ACVR2B: variants seen among roughly 807,000 people sequenced by gnomAD.
ACVR2B encodes activin receptor type-2B.
ACVR2B carries 18 observed loss-of-function variants against 65.1 expected under a neutral mutation model. The observed-to-expected ratio is 0.28, with a 90% confidence interval of 0.19 to 0.41. The LOEUF (loss-of-function observed/expected upper bound fraction) is 0.41. Among genes scored for constraint, ACVR2B ranks in the 10% least tolerant of loss-of-function variants. The pLI, the probability that ACVR2B is intolerant of heterozygous loss-of-function variation, is 1.00. For missense variants in ACVR2B, 482 were observed against 682.7 expected (o/e 0.71, Z 3.28); for synonymous variants, 298 against 277.7 (o/e 1.07, Z -0.73).
At position 38,477,490 on chromosome 3, in the gene ACVR2B, G is replaced by A. The variant is rs1030605505; in HGVS notation, c.256G>A (p.Asp86Asn). The A allele has an allele frequency of 6.2e-6, 10 of 1,613,720 alleles. No homozygotes were observed. Among genetic ancestry groups the A allele is most frequent in the Admixed American group, 1.7e-5 (1 of 59,980 alleles). ...GCWLDDFNCY[D>N]RQECVATEEN... ...CTGGCTAGATGACTTCAACTGCTAC[G>A]ATAGGTACCCCAAGACTTGCCCTCC... Residue 86 changes from aspartate (D) to asparagine (N), a missense_variant, in exon 2 of 11, where the codon GAT (aspartate) becomes AAT (asparagine). Physicochemically the swap from Asp to Asn is conservative, Grantham distance 23. Coordinates refer to ENST00000352511, the MANE Select transcript of ACVR2B (RefSeq NM_001106.4). The surrounding 1 kb of genome is among the most constrained non-coding windows in gnomAD (Gnocchi z 6.7).
chr3:38,479,689 G>T lies in ACVR2B; in HGVS notation c.822G>T (p.Thr274=). 6.2e-7 allele frequency: 1 copy of T among 1,614,130 alleles called. No individual in the cohort carries two copies. The highest frequency in any genetic ancestry group is 1.1e-5 in the South Asian group (1 of 91,068). The change falls in exon 7 of 11, where the codon ACG becomes ACT. Residue 274 remains threonine (T), a synonymous_variant. Coordinates refer to ENST00000352511, the MANE Select transcript of ACVR2B (RefSeq NM_001106.4). ...CTGTCTTCTCTCAGGGCTCCCTCACGGATTACCTCAAGGGGAACATCATCA... is the reference window on the plus strand; with the variant it reads ...CTGTCTTCTCTCAGGGCTCCCTCACTGATTACCTCAAGGGGAACATCATCA... The part of the protein sequence containing the change: ...ITAFHDKGSL[T]DYLKGNIITW...
chr3:38,454,398 G>A, intron 1 of ACVR2B, 24 bp downstream of exon 1: 1 of 1,247,152 alleles, frequency 8.0e-7, no homozygotes, highest in Middle Eastern at 3.1e-4. Context: ...GCGGCGCGGG[G>A]ACGCCGAGAG....
At chr3:38,462,850 T>C (rs1219202230) in intron 1 of ACVR2B, among the ~76,000 whole-genome samples, 1 of 152,110 alleles carries the variant, frequency 6.6e-6, no homozygotes, top group East Asian at 1.9e-4. Flanking sequence ...TGAAAAATGG[T>C]TATACCATTT....
intron 1 of ACVR2B, among the ~76,000 whole-genome samples, chr3:38,460,411 T>G (rs771701576): frequency 6.6e-6 from 1 of 152,242 alleles, no homozygotes; most frequent in Non-Finnish European, 1.5e-5. Flanking sequence ...TGCTCAGTGA[T>G]GTCTCTGACT....
At chr3:38,467,593 A>AT (rs59511123) in intron 1 of ACVR2B, among the ~76,000 whole-genome samples, 1 of 44,642 alleles carries the variant, frequency 2.2e-5, no homozygotes, top group East Asian at 6.8e-4. Flanking sequence ...TCTACAAAAA[A>AT]AAAAAAATTA....
At position 38,482,432 on chromosome 3, in the gene ACVR2B, C is replaced by A; in HGVS notation, c.1216C>A (p.Pro406Thr). Reference protein sequence around the residue: ...LVSRCKAADGPVDEYMLPFEE... With the variant: ...LVSRCKAADGTVDEYMLPFEE... The stretch of plus-strand genomic sequence containing the variant: ...GCCAGGCTCTCTCTTTCTCCTAGGA[C>A]CCGTGGATGAGTACATGCTGCCCTT... Residue 406 changes from proline (P) to threonine (T), a missense_variant and splice_region_variant, in exon 10 of 11, where the codon CCC becomes ACC. Physicochemically the swap from Pro to Thr is conservative, Grantham distance 38. Coordinates refer to ENST00000352511, the MANE Select transcript of ACVR2B (RefSeq NM_001106.4). 6.2e-7 allele frequency: 1 copy of A among 1,611,958 alleles called. No individual in the cohort carries two copies. Among genetic ancestry groups the A allele is most frequent in the Non-Finnish European group, 8.5e-7 (1 of 1,179,710 alleles).
chr3:38,460,818 A>C (rs1709633749), intron 1 of ACVR2B, among the ~76,000 whole-genome samples: 1 of 152,184 alleles, frequency 6.6e-6, no homozygotes, highest in Non-Finnish European at 1.5e-5. Context: ...TGCTCTTTGC[A>C]TGTGTTCCTC....
At chr3:38,459,246 T>A (rs1709599998) in intron 1 of ACVR2B, among the ~76,000 whole-genome samples, 2 of 152,148 alleles carry the variant, frequency 1.3e-5, no homozygotes, top group Non-Finnish European at 2.9e-5. Flanking sequence ...AGAGTTTGGT[T>A]CAAAATTAGT....
At chr3:38,479,359 G>C (rs1208598986) in intron 6 of ACVR2B, 88 bp downstream of exon 6, 9 of 1,585,674 alleles carry the variant, frequency 5.7e-6, no homozygotes, top group Non-Finnish European at 7.8e-6. Flanking sequence ...CTTCCCTGTG[G>C]AGGTGTCCAC....
intron 1 of ACVR2B, among the ~76,000 whole-genome samples, chr3:38,462,355 A>G (rs1709662968): frequency 6.6e-6 from 1 of 152,220 alleles, no homozygotes; most frequent in African/African-American, 2.4e-5. Context: ...CACAAATTGA[A>G]TACACTGGTT....
rs1709934753 is a variant in ACVR2B at position 38,477,604 on chromosome 3, G to T, written c.260+110G>T. ...AGTGGGAGATAAAGGACCAAGAAGGGGCTCTTGAGATGGTAGCCATGGCCC... is the reference window on the plus strand; with the variant it reads ...AGTGGGAGATAAAGGACCAAGAAGGTGCTCTTGAGATGGTAGCCATGGCCC... On this transcript the variant is annotated intron_variant, in intron 2 of 10. Coordinates refer to ENST00000352511, the MANE Select transcript of ACVR2B (RefSeq NM_001106.4). This position sits in a 1 kb window ranked among gnomAD's most constrained non-coding sequence, Gnocchi z 6.7. The T allele has an allele frequency of 2.3e-6, 3 of 1,330,394 alleles. No individual in the cohort carries two copies. Among genetic ancestry groups the T allele is most frequent in the Non-Finnish European group, 3.2e-6 (3 of 945,470 alleles). 82.4% of individuals were successfully genotyped at this position (1,330,394 alleles called of 1,614,324 possible). A position where few individuals can be genotyped will look rare whatever the true frequency, so the allele number is the denominator to read the frequency against.
In ACVR2B at chr3:38,456,885, T is replaced by C. The variant is rs1252369109; in HGVS notation, c.52+2511T>C. Among the ~76,000 whole-genome samples the C allele has an allele frequency of 2.0e-5, 3 of 152,194 alleles. 1 individual carries two copies. Among genetic ancestry groups the C allele is most frequent in the Admixed American group, 1.3e-4 (2 of 15,286 alleles). Reference sequence around the variant, plus strand: ...GTATGAATTTTGGGGGGACACATTCTTTCCATGAGATGGAATGAACTTCAA... The same window carrying C: ...GTATGAATTTTGGGGGGACACATTCCTTCCATGAGATGGAATGAACTTCAA... On this transcript the variant is annotated intron_variant, in intron 1 of 10. Coordinates refer to ENST00000352511, the MANE Select transcript of ACVR2B (RefSeq NM_001106.4).
At chr3:38,466,025 A>G (rs1482635593) in intron 1 of ACVR2B, among the ~76,000 whole-genome samples, 1 of 152,264 alleles carries the variant, frequency 6.6e-6, no homozygotes, top group Non-Finnish European at 1.5e-5. Context: ...GCTGAAAGAA[A>G]TAGTTGTCAG....
At chr3:38,478,582 C>T in intron 5 of ACVR2B, 64 bp downstream of exon 5, 3 of 1,609,940 alleles carry the variant, frequency 1.9e-6, no homozygotes, top group Admixed American at 1.7e-5. Flanking sequence ...TGGAGGCTCT[C>T]CTGACCTGGG....
chr3:38,455,633 C>T (rs546587680), intron 1 of ACVR2B, among the ~76,000 whole-genome samples: 2 of 152,222 alleles, frequency 1.3e-5, no homozygotes, highest in South Asian at 2.1e-4. Flanking sequence ...TAGTAGCGCG[C>T]GCGCGCGCAG....
rs1710111187 is a variant in ACVR2B, at chr3:38,485,835, A to T, written c.*2503A>T. On this transcript the variant is annotated 3_prime_UTR_variant, in exon 11 of 11. Coordinates refer to ENST00000352511, the MANE Select transcript of ACVR2B (RefSeq NM_001106.4). ...TATTTATTGAAAAGTGCCATATCTA[A>T]TTTCTTTAGCTTTCGCCTCAGGCAG... 6.6e-6 allele frequency: 1 copy of T among 151,920 alleles called. No homozygotes were observed. The highest frequency in any genetic ancestry group is 2.1e-4 in the South Asian group (1 of 4,804). The allele number at this position is 151,920 out of a possible 1,614,324, so 9.4% of individuals were successfully genotyped here.
intron 1 of ACVR2B, among the ~76,000 whole-genome samples, chr3:38,465,713 A>C (rs1709716581): frequency 6.6e-6 from 1 of 152,260 alleles, no homozygotes; most frequent in South Asian, 2.1e-4. Flanking sequence ...TCATGAAATC[A>C]CAGCCACAGA....
chr3:38,453,980 G>A lies in ACVR2B; in HGVS notation c.-343G>A, dbSNP rs1484296990. The A allele has an allele frequency of 6.3e-5, 4 of 63,982 alleles. No homozygotes were observed. In the East Asian group the frequency reaches 1.5e-3, roughly 24 times the overall value. The allele number at this position is 63,982 out of a possible 1,614,324, so 4.0% of individuals were successfully genotyped here. ...CCCTCCCCCCGTTCATGGCCCCTCC[G>A]GACTCGGCCCCTGCGCCCGGGGCCC... On this transcript the variant is annotated 5_prime_UTR_variant, in exon 1 of 11. Coordinates refer to ENST00000352511, the MANE Select transcript of ACVR2B (RefSeq NM_001106.4).
In ACVR2B at chr3:38,491,893, A is replaced by T. The variant is rs200234620; in HGVS notation, c.*8561A>T. 1.2e-4 allele frequency: 18 copies of T among 152,332 alleles called. No homozygotes were observed. The East Asian group carries it at 3.5e-3, about 29-fold the overall frequency. 9.4% of individuals were successfully genotyped at this position (152,332 alleles called of 1,614,324 possible). A position where few individuals can be genotyped will look rare whatever the true frequency, so the allele number is the denominator to read the frequency against. Reference sequence around the variant, plus strand: ...AGTTCCACACCACAAATCCACAACAATGCCATTTTTCAACTGTACAAAAAT... The same window carrying T: ...AGTTCCACACCACAAATCCACAACATTGCCATTTTTCAACTGTACAAAAAT... On this transcript the variant is annotated 3_prime_UTR_variant, in exon 11 of 11. Coordinates refer to ENST00000352511, the MANE Select transcript of ACVR2B (RefSeq NM_001106.4).
Sources: gnomAD v4.1 joint callset for allele counts (sites outside exome capture counted in the v4.1 genomes callset) on GRCh38, gnomAD v4.1.1 for gene constraint, Gnocchi (gnomAD v3.1) non-coding constraint, MANE v1.5 for transcripts, NCBI Gene and HGNC (gene_info 2026-07-23, HGNC 2026-07-21) for gene names.